Variants in MRPL45 observed in about 807,000 individuals in gnomAD.
MRPL45 encodes mitochondrial ribosomal protein L45.
A neutral mutation model predicts 38.1 loss-of-function variants in MRPL45; 20 were observed. The observed-to-expected ratio is 0.53, with a 90% CI of 0.37 to 0.76. MRPL45 has a LOEUF of 0.76. MRPL45 is among the 30% of genes least tolerant of loss of function. MRPL45 has a pLI of 0.00. For synonymous variants in MRPL45, 105 were observed against 128.8 expected, an observed-to-expected ratio of 0.82 and a Z score of 1.25; for missense variants, 337 against 395.6, an observed-to-expected ratio of 0.85 and a Z score of 1.26.
intron 3 of MRPL45, among the ~76,000 whole-genome samples, chr17:38,302,623 G>A (rs2037010199): frequency 1.3e-5 from 2 of 151,386 alleles, no homozygotes; most frequent in Non-Finnish European, 2.9e-5. Context: ...GTATAAAGGG[G>A]TGTCAGATTT....
Position 38,309,160 on chromosome 17 carries a change from C to T in MRPL45, c.461+2529C>T, listed in dbSNP as rs1305153372. Among the ~76,000 whole-genome samples, 3 of 151,338 alleles carry T rather than the reference C, an allele frequency of 2.0e-5. No homozygotes were observed. In the East Asian group the frequency reaches 6.0e-4, roughly 30 times the overall value. ...GACCTTGTGATCTGCCCACCTTGGC[C>T]TCCCAAAGTGCTGGGATTACAGGTG... On this transcript the variant is annotated intron_variant, in intron 4 of 7. Coordinates refer to ENST00000613675, the MANE Select transcript of MRPL45 (RefSeq NM_032351.6).
chr17:38,298,600 A>G lies in MRPL45; in HGVS notation c.218A>G (p.Asp73Gly), dbSNP rs200826398. The change falls in exon 2 of 8, where the codon GAC (aspartate) becomes GGC (glycine). Residue 73 changes from aspartate to glycine, a missense_variant. Physicochemically the swap from Asp to Gly is moderately conservative, Grantham distance 94. Around this residue, in one of 3 missense-constraint regions of MRPL45, gnomAD observed 60 missense variants for 109.6 expected, o/e 0.55. Transcript: ENST00000613675. ...AGLVIPPEKS[D>G]RSIHLACTAG... ...TTGGTTATTCCTCCAGAAAAATCGG[A>G]CCGTTCCATACATCTGGCCTGTACA... The G allele has an allele frequency of 7.9e-4, 1,269 of 1,612,698 alleles. 3 individuals are homozygous for G. The highest frequency in any genetic ancestry group is 7.3e-3 in the African/African-American group (547 of 74,852).
chr17:38,320,526 G>C, intron 5 of MRPL45, 92 bp from the exon 6 acceptor site: 1 of 1,343,356 alleles, frequency 7.4e-7, no homozygotes, highest in South Asian at 1.3e-5. Context: ...CCTGTTGGCT[G>C]TAGTCTTGCA....
At position 38,323,152 on chromosome 17, in the gene MRPL45, C is replaced by T. The variant is rs1474633648; in HGVS notation, c.*557C>T. On this transcript the variant is annotated 3_prime_UTR_variant, in exon 8 of 8. Transcript: ENST00000613675. ...TAAGAGGCCCTTTTTCATATACTGA[C>T]TCACTGATGAATCAGCATTTGCATT... is the stretch of plus-strand genomic sequence containing the variant. The T allele has an allele frequency of 3.9e-5, 6 of 152,532 alleles. No individual in the cohort carries two copies. Among genetic ancestry groups the T allele is most frequent in the Non-Finnish European group, 8.8e-5 (6 of 68,282 alleles). 9.4% of individuals were successfully genotyped at this position (152,532 alleles called of 1,614,324 possible).
intron 3 of MRPL45, among the ~76,000 whole-genome samples, chr17:38,300,708 A>T (rs1035907918): frequency 6.6e-6 from 1 of 152,014 alleles, no homozygotes; most frequent in Non-Finnish European, 1.5e-5. Flanking sequence ...GCACTTTGGG[A>T]GGCTGAGGTG....
intron 1 of MRPL45, among the ~76,000 whole-genome samples, chr17:38,297,977 G>T (rs1413937774): frequency 6.6e-6 from 1 of 152,192 alleles, no homozygotes; most frequent in Non-Finnish European, 1.5e-5. Flanking sequence ...GCACTCCTTA[G>T]TCCCAGCTAC....
intron 3 of MRPL45, among the ~76,000 whole-genome samples, chr17:38,304,533 G>C (rs1259236477): frequency 6.6e-6 from 1 of 151,986 alleles, no homozygotes; most frequent in East Asian, 1.9e-4. Flanking sequence ...TGTTGTCTTT[G>C]TAATTACTTT....
chr17:38,308,501 C>T (rs1194709796), intron 4 of MRPL45, among the ~76,000 whole-genome samples: 5 of 151,324 alleles, frequency 3.3e-5, no homozygotes, highest in East Asian at 1.9e-4. Flanking sequence ...AGTGCAGTGA[C>T]GTGATCTTGG....
rs1390638003 is a variant in MRPL45, at chr17:38,302,431, G to C, written c.362+2963G>C. On this transcript the variant is annotated intron_variant, in intron 3 of 7. Transcript: ENST00000613675. ...GAACCCAGGAGGTGGAGGTTGCAGT[G>C]AGCCCAGATTGCACCACTGCATTCC... Among the ~76,000 whole-genome samples, 8 of 140,510 alleles carry C rather than the reference G, an allele frequency of 5.7e-5. No homozygotes were observed. In the East Asian group the frequency reaches 1.8e-3, roughly 32 times the overall value. 92.2% of individuals were successfully genotyped at this position (140,510 alleles called of 152,430 possible). A position where few individuals can be genotyped will look rare whatever the true frequency, so the allele number is the denominator to read the frequency against.
intron 4 of MRPL45, among the ~76,000 whole-genome samples, chr17:38,308,706 C>T (rs2037078289): frequency 6.6e-6 from 1 of 151,940 alleles, no homozygotes; most frequent in African/African-American, 2.4e-5. Flanking sequence ...TCCCAAAGTG[C>T]TGGGATTACA....
At chr17:38,306,794 A>G (rs1292216815) in intron 4 of MRPL45, among the ~76,000 whole-genome samples, 163 bp downstream of exon 4, 1 of 152,136 alleles carries the variant, frequency 6.6e-6, no homozygotes, top group Non-Finnish European at 1.5e-5. Flanking sequence ...GTAATTAGTG[A>G]CTGACGCTGT....
At chr17:38,297,468 A>G (rs1406132890) in intron 1 of MRPL45, among the ~76,000 whole-genome samples, 1 of 152,064 alleles carries the variant, frequency 6.6e-6, no homozygotes. Flanking sequence ...AACGGATATT[A>G]AGTTTTTCCG....
At chr17:38,306,772 C>T in intron 4 of MRPL45, 141 bp downstream of exon 4, 1 of 828,446 alleles carries the variant, frequency 1.2e-6, no homozygotes, top group South Asian at 1.8e-5. Context: ...GAGAGAACTT[C>T]CTATATTGGA....
chr17:38,297,283 G>C (rs769801443), intron 1 of MRPL45, 34 bp downstream of exon 1: 2 of 1,593,946 alleles, frequency 1.3e-6, no homozygotes, highest in East Asian at 4.5e-5. Flanking sequence ...GACCCTAGGG[G>C]CTACAGGAGA....
chr17:38,306,742 T>G, intron 4 of MRPL45, 111 bp downstream of exon 4: 1 of 1,296,912 alleles, frequency 7.7e-7, no homozygotes, highest in East Asian at 2.4e-5. Context: ...TTTTCTGCCT[T>G]CAGGTAAGAG....
At chr17:38,307,654 T>C (rs2037067985) in intron 4 of MRPL45, among the ~76,000 whole-genome samples, 1 of 152,088 alleles carries the variant, frequency 6.6e-6, no homozygotes, top group Non-Finnish European at 1.5e-5. Flanking sequence ...CACCCAGCTT[T>C]TTCTTGATTC....
chr17:38,299,292 T>C, intron 2 of MRPL45, 59 bp from the exon 3 acceptor site: 15 of 1,182,876 alleles, frequency 1.3e-5, no homozygotes, highest in Non-Finnish European at 1.7e-5. Flanking sequence ...TTACTTCAAT[T>C]TTATGAGTTT....
rs544501122 is a variant in MRPL45, at chr17:38,322,565, A to G, written c.891A>G (p.Gln297=). Residue 297 remains glutamine, a synonymous_variant, in exon 8 of 8, where the codon CAA becomes CAG. Coordinates refer to ENST00000613675, the MANE Select transcript of MRPL45 (RefSeq NM_032351.6). ...LKPEEEYEEA[Q]GEAQKPQLA Reference sequence around the variant, plus strand: ...CAGAAGAAGAATATGAAGAGGCACAAGGAGAGGCCCAGAAGCCTCAGCTAG... The same window carrying G: ...CAGAAGAAGAATATGAAGAGGCACAGGGAGAGGCCCAGAAGCCTCAGCTAG... The G allele has an allele frequency of 3.1e-6, 5 of 1,613,576 alleles. No homozygotes were observed. In the South Asian group the frequency reaches 4.4e-5, roughly 14 times the overall value.
chr17:38,321,558 G>T (rs2037229522), intron 6 of MRPL45, among the ~76,000 whole-genome samples: 1 of 152,094 alleles, frequency 6.6e-6, no homozygotes, highest in South Asian at 2.1e-4. Flanking sequence ...GGGCATCATG[G>T]TGTGTGCCCG....
Sources: allele counts gnomAD v4.1 joint callset (sites outside exome capture counted in the v4.1 genomes callset), GRCh38; gene constraint gnomAD v4.1.1; regional missense constraint gnomAD v4.1.1; transcripts MANE v1.5; gene names NCBI Gene and HGNC (gene_info 2026-07-23, HGNC 2026-07-21).